CHRM3: variants seen among roughly 807,000 people sequenced by gnomAD.
CHRM3 encodes the protein cholinergic receptor muscarinic 3.
In CHRM3, 11 loss-of-function variants were observed where a neutral mutation model predicts 41.8. The ratio of observed to expected loss-of-function variants is 0.26; its 90% CI spans 0.17 to 0.44. CHRM3 has a LOEUF of 0.44. Among genes scored for constraint, CHRM3 ranks in the 20% least tolerant of loss-of-function variants. CHRM3 has a pLI of 1.00. For synonymous variants in CHRM3, 297 were observed against 301.4 expected (o/e 0.99, Z 0.15); for missense variants, 571 against 745.4 (o/e 0.77, Z 2.72).
intron 1 of CHRM3, among the ~76,000 whole-genome samples, chr1:239,488,405 A>G (rs184606840): frequency 2.0e-5 from 3 of 152,210 alleles, no homozygotes; most frequent in Admixed American, 6.5e-5. Flanking sequence ...CTATTGTGGA[A>G]TTAAAGCAAT....
At chr1:239,393,783 T>C (rs1057363906) in intron 1 of CHRM3, among the ~76,000 whole-genome samples, 1 of 152,202 alleles carries the variant, frequency 6.6e-6, no homozygotes, top group African/African-American at 2.4e-5. Flanking sequence ...TAATATAAAA[T>C]TTGATGCTCA....
intron 2 of CHRM3, among the ~76,000 whole-genome samples, chr1:239,538,586 C>T (rs555461956): frequency 3.0e-4 from 46 of 152,174 alleles, no homozygotes; most frequent in Non-Finnish European, 5.6e-4. Flanking sequence ...TAAAAATCTA[C>T]TGATTTTTGT....
chr1:239,828,432 C>T (rs1457806200), intron 6 of CHRM3, among the ~76,000 whole-genome samples: 2 of 151,868 alleles, frequency 1.3e-5, no homozygotes, highest in East Asian at 3.9e-4. Context: ...TGTTGTGGGA[C>T]CATAACTGGC....
At chr1:239,519,553 T>A (rs1475782832) in intron 2 of CHRM3, among the ~76,000 whole-genome samples, 1 of 152,150 alleles carries the variant, frequency 6.6e-6, no homozygotes, top group Non-Finnish European at 1.5e-5. Flanking sequence ...ACAAGTATTC[T>A]CTTTTTTATC....
chr1:239,528,054 C>T (rs1670119423), intron 2 of CHRM3, among the ~76,000 whole-genome samples: 1 of 152,138 alleles, frequency 6.6e-6, no homozygotes, highest in Non-Finnish European at 1.5e-5. Context: ...AATGAGGACC[C>T]TCAAAGGGCA....
At chr1:239,647,089 T>C (rs1671801774) in intron 4 of CHRM3, among the ~76,000 whole-genome samples, 1 of 152,220 alleles carries the variant, frequency 6.6e-6, no homozygotes, top group Admixed American at 6.5e-5. Flanking sequence ...TTGTCTTTCA[T>C]ATTTAAATGT....
intron 2 of CHRM3, among the ~76,000 whole-genome samples, chr1:239,502,179 C>T (rs1668285683): frequency 6.6e-6 from 1 of 152,000 alleles, no homozygotes; most frequent in Admixed American, 6.6e-5. Context: ...AATTGATAGA[C>T]AATTATCAAG....
At chr1:239,883,328 C>T (rs1300309571) in intron 6 of CHRM3, among the ~76,000 whole-genome samples, 2 of 152,208 alleles carry the variant, frequency 1.3e-5, no homozygotes, top group Non-Finnish European at 2.9e-5. Context: ...CCCAGTTACA[C>T]ACCCTTCATC....
chr1:239,870,947 AT>A (rs368435172), intron 6 of CHRM3, among the ~76,000 whole-genome samples: 62 of 152,042 alleles, frequency 4.1e-4, no homozygotes, highest in Admixed American at 7.2e-4. Flanking sequence ...TACAGAGGCG[AT>A]TTTGTGCTTT....
Position 239,908,320 on chromosome 1 carries a change from G to A in CHRM3, c.869G>A (p.Cys290Tyr), listed in dbSNP as rs775053336. Residue 290 changes from cysteine to tyrosine, a missense_variant, in exon 7 of 7, where the codon TGC (cysteine) becomes TAC (tyrosine). Transcript: ENST00000676153. The surrounding 1 kb of genome is among the most constrained non-coding windows in gnomAD (Gnocchi z 7.2). ...CACCCCACGGGCAGTTCTCGAAGCT[G>A]CAGCAGTTACGAACTTCAACAGCAA... ...FVHPTGSSRSCSSYELQQQSM... is the reference protein window; with the variant it reads ...FVHPTGSSRSYSSYELQQQSM... 1 of 1,614,164 alleles carries A rather than the reference G, an allele frequency of 6.2e-7. No homozygotes were observed. The highest frequency in any genetic ancestry group is 8.5e-7 in the Non-Finnish European group (1 of 1,180,042).
intron 6 of CHRM3, among the ~76,000 whole-genome samples, chr1:239,882,589 C>T (rs377391433): frequency 6.6e-6 from 1 of 152,190 alleles, no homozygotes; most frequent in African/African-American, 2.4e-5. Context: ...TTTGACATCA[C>T]TCTTCATGGA....
chr1:239,524,631 A>C (rs571304200), intron 2 of CHRM3, among the ~76,000 whole-genome samples: 1 of 152,200 alleles, frequency 6.6e-6, no homozygotes, highest in South Asian at 2.1e-4. Context: ...ATCCTTTTTC[A>C]TATTTAAATA....
rs541824206 is a variant in CHRM3, at chr1:239,674,981, C to T, written c.-249-3205C>T. 2.0e-5 allele frequency among the ~76,000 whole-genome samples: 3 copies of T among 152,188 alleles called. No homozygotes were observed. In the South Asian group the frequency reaches 6.2e-4, roughly 32 times the overall value. On this transcript the variant is annotated intron_variant, in intron 4 of 6. Transcript: ENST00000676153. The stretch of plus-strand genomic sequence containing the variant: ...TCTCTAATTTTATCTACCTTCCCTC[C>T]CACTCCTGACTTCTTCTTGCATGGA...
In CHRM3 at chr1:239,908,903, CA is replaced by C; in HGVS notation, c.1454del (p.Lys485ArgfsTer29). On this transcript the variant is annotated frameshift_variant, in exon 7 of 7. Coordinates refer to ENST00000676153, the MANE Select transcript of CHRM3 (RefSeq NM_001375978.1). LOFTEE classifies it high-confidence loss of function. This position sits in a 1 kb window ranked among gnomAD's most constrained non-coding sequence, Gnocchi z 7.2. ...ITKRKRMSLV[K>X]EKKAAQTLSA... ...CTAAGCGGAAAAGGATGTCCCTGGT[CA>C]AGGAGAAGAAAGCGGCCCAGACCCT... 1.2e-6 allele frequency: 2 copies of C among 1,614,058 alleles called. No homozygotes were observed. The highest frequency in any genetic ancestry group is 1.1e-5 in the South Asian group (1 of 91,060).
chr1:239,688,439 AT>A (rs1328114852), intron 5 of CHRM3, among the ~76,000 whole-genome samples: 1 of 142,762 alleles, frequency 7.0e-6, no homozygotes, highest in Non-Finnish European at 1.5e-5. Context: ...ATATTTACAT[AT>A]CATATTTATA....
rs555266718 is a variant in CHRM3, at chr1:239,775,019, G to A, written c.-146-52233G>A. 7.9e-5 allele frequency among the ~76,000 whole-genome samples: 12 copies of A among 152,110 alleles called. No individual in the cohort carries two copies. In the East Asian group the frequency reaches 1.7e-3, roughly 22 times the overall value. ...AAAAAAGAAAAAGAACTACTATATA[G>A]TCTTTATATGAATTCAGTCTTTCTA... On this transcript the variant is annotated intron_variant, in intron 5 of 6. Transcript: ENST00000676153.
intron 6 of CHRM3, among the ~76,000 whole-genome samples, chr1:239,835,909 T>G (rs74513976): frequency 6.6e-6 from 1 of 152,254 alleles, no homozygotes; most frequent in African/African-American, 2.4e-5. Flanking sequence ...GGAGACTCAA[T>G]GTCAAGCTAA....
chr1:239,485,266 C>A (rs1031668684), intron 1 of CHRM3, among the ~76,000 whole-genome samples: 1 of 152,082 alleles, frequency 6.6e-6, no homozygotes, highest in East Asian at 1.9e-4. Context: ...TTGTCAGCAT[C>A]ACACATGAAC....
intron 5 of CHRM3, chr1:239,707,491 T>G (rs1270522761): frequency 6.6e-6 from 1 of 152,198 alleles, no homozygotes; most frequent in Non-Finnish European, 1.5e-5. Flanking sequence ...ATGAGCTAAC[T>G]GTTTTGGAAG....
Sources: gnomAD v4.1 joint callset for allele counts (sites outside exome capture counted in the v4.1 genomes callset) on GRCh38, gnomAD v4.1.1 for gene constraint, Gnocchi (gnomAD v3.1) non-coding constraint, MANE v1.5 for transcripts, NCBI Gene and HGNC (gene_info 2026-07-23, HGNC 2026-07-21) for gene names.